The following ERC2 variants were observed in gnomAD, a reference collection of about 807,000 sequenced individuals.
The protein encoded by ERC2 is ELKS/RAB6-interacting/CAST family member 2.
ERC2 carries 42 observed loss-of-function variants against 114.8 expected under a neutral mutation model. The ratio of observed to expected loss-of-function variants is 0.37; its 90% CI spans 0.29 to 0.47. The LOEUF (loss-of-function observed/expected upper bound fraction) is 0.47. ERC2 is among the 20% of genes least tolerant of loss of function. ERC2 has a pLI of 0.99. For missense variants in ERC2, 939 were observed against 1,150.7 expected (o/e 0.82, Z 2.66); for synonymous variants, 454 against 425.5 (o/e 1.07, Z -0.82).
chr3:56,304,297 T>C (rs982180707), intron 2 of ERC2, among the ~76,000 whole-genome samples: 1 of 152,048 alleles, frequency 6.6e-6, no homozygotes, highest in Non-Finnish European at 1.5e-5. Context: ...ATTTAAAAGG[T>C]GATATGAAAA....
intron 15 of ERC2, among the ~76,000 whole-genome samples, chr3:55,720,908 C>A (rs1044525268): frequency 3.3e-5 from 5 of 152,134 alleles, no homozygotes; most frequent in African/African-American, 7.2e-5. Context: ...GTTTTAAAGA[C>A]CTTGCCCCAG....
intron 6 of ERC2, among the ~76,000 whole-genome samples, chr3:56,087,638 A>C (rs554071665): frequency 1.3e-5 from 2 of 152,304 alleles, no homozygotes; most frequent in African/African-American, 4.8e-5. Flanking sequence ...GCCACTTGAA[A>C]ATTTTCACAG....
chr3:56,466,782 T>C (rs576128691), intron 1 of ERC2, among the ~76,000 whole-genome samples: 39 of 152,288 alleles, frequency 2.6e-4, no homozygotes, highest in African/African-American at 9.1e-4. Context: ...CCAAGTACTG[T>C]ATACTGAGAA....
chr3:56,181,957 C>A (rs2150045820), intron 3 of ERC2, among the ~76,000 whole-genome samples: 1 of 152,302 alleles, frequency 6.6e-6, no homozygotes, highest in Admixed American at 6.5e-5. Flanking sequence ...TGTCCAACAG[C>A]CTGATTGCAA....
intron 3 of ERC2, among the ~76,000 whole-genome samples, chr3:56,206,089 T>C (rs7610622): frequency 0.3 from 45,809 of 151,950 alleles, 8,477 homozygotes; most frequent in Middle Eastern, 0.42. Flanking sequence ...TTAAGAATTT[T>C]GCCTGTCCTT....
intron 17 of ERC2, among the ~76,000 whole-genome samples, chr3:55,521,029 A>G (rs1247817449): frequency 1.3e-5 from 2 of 152,234 alleles, no homozygotes; most frequent in African/African-American, 4.8e-5. Context: ...AGTGGCTCCA[A>G]TGACAAGTGT....
intron 2 of ERC2, among the ~76,000 whole-genome samples, chr3:56,393,990 C>T (rs2060217676): frequency 6.6e-6 from 1 of 152,062 alleles, no homozygotes; most frequent in Non-Finnish European, 1.5e-5. Context: ...AATTTTACTC[C>T]ATCCAGTGGC....
intron 7 of ERC2, among the ~76,000 whole-genome samples, chr3:56,069,804 G>C (rs1040509856): frequency 2.0e-5 from 3 of 152,104 alleles, no homozygotes; most frequent in Non-Finnish European, 4.4e-5. Flanking sequence ...TATGACAAAG[G>C]CTCCAAATTG....
intron 1 of ERC2, among the ~76,000 whole-genome samples, chr3:56,467,558 T>A (rs1196476208): frequency 6.6e-6 from 1 of 152,060 alleles, no homozygotes; most frequent in Non-Finnish European, 1.5e-5. Flanking sequence ...CGTACGGTAT[T>A]TTTTTTAATT....
intron 2 of ERC2, among the ~76,000 whole-genome samples, chr3:56,363,815 GAGAA>G (rs1260748701): frequency 1.0e-4 from 13 of 126,614 alleles, no homozygotes; most frequent in South Asian, 3.2e-4. Flanking sequence ...GGGAGGGAGG[GAGAA>G]AGGGAGGGAG....
chr3:56,133,985 A>G (rs779557937), intron 6 of ERC2, among the ~76,000 whole-genome samples: 9 of 152,242 alleles, frequency 5.9e-5, no homozygotes, highest in Non-Finnish European at 8.8e-5. Flanking sequence ...TAATGAAGCT[A>G]GCAGAATGCC....
chr3:55,554,532 G>C (rs1198042757), intron 17 of ERC2, among the ~76,000 whole-genome samples: 1 of 152,220 alleles, frequency 6.6e-6, no homozygotes, highest in Admixed American at 6.5e-5. Context: ...CTGTTTTTAG[G>C]AGACACCAAA....
chr3:55,996,536 C>CA (rs1203232568), intron 10 of ERC2, among the ~76,000 whole-genome samples: 5 of 151,940 alleles, frequency 3.3e-5, no homozygotes, highest in African/African-American at 7.3e-5. Context: ...TATAGAAACA[C>CA]AAAAAAATGG....
intron 10 of ERC2, among the ~76,000 whole-genome samples, chr3:55,993,690 A>AC (rs1387989915): frequency 2.0e-5 from 3 of 151,810 alleles, no homozygotes; most frequent in African/African-American, 4.8e-5. Flanking sequence ...CAAAAAAAAA[A>AC]CAAGAAAAAT....
Position 55,930,234 on chromosome 3 carries a change from G to A in ERC2, c.2403+20191C>T, listed in dbSNP as rs187115997. 7.1e-3 allele frequency among the ~76,000 whole-genome samples: 1,085 copies of A among 151,920 alleles called. 51 individuals are homozygous for A. Among genetic ancestry groups the A allele is most frequent in the Admixed American group, 0.061 (930 of 15,266 alleles). On this transcript the variant is annotated intron_variant, in intron 13 of 17. Transcript: ENST00000288221. Reference sequence around the variant, plus strand: ...AGCCTGGGTGACAGAGTGAGACTCCGTCTCAAGAAAATAAATAAATAAATA... The same window carrying A: ...AGCCTGGGTGACAGAGTGAGACTCCATCTCAAGAAAATAAATAAATAAATA...
At chr3:55,711,196 G>A (rs766045014) in intron 15 of ERC2, among the ~76,000 whole-genome samples, 5 of 152,214 alleles carry the variant, frequency 3.3e-5, no homozygotes, top group East Asian at 1.9e-4. Flanking sequence ...TTTGAGATAG[G>A]AGCCTCACTT....
rs574359634 is a variant in ERC2 at position 56,155,166 on chromosome 3, G to A, written c.1150-6034C>T. 6.6e-5 allele frequency among the ~76,000 whole-genome samples: 10 copies of A among 152,066 alleles called. No homozygotes were observed. In the South Asian group the frequency reaches 1.9e-3, roughly 28 times the overall value. Reference sequence around the variant, plus strand: ...CTTTCCTTTTGGGAACTGCATCTTCGCAACATCCCCATGGTTTTAATAGAG... The same window carrying A: ...CTTTCCTTTTGGGAACTGCATCTTCACAACATCCCCATGGTTTTAATAGAG... On this transcript the variant is annotated intron_variant, in intron 4 of 17. Coordinates refer to ENST00000288221, the MANE Select transcript of ERC2 (RefSeq NM_015576.3).
chr3:55,607,654 A>C (rs921033220), intron 17 of ERC2, among the ~76,000 whole-genome samples: 9 of 151,474 alleles, frequency 5.9e-5, no homozygotes, highest in African/African-American at 2.2e-4. Context: ...GAAAAAAAAA[A>C]CAATAATGCA....
chr3:56,419,353 G>A (rs1403032863), intron 2 of ERC2, among the ~76,000 whole-genome samples: 2 of 152,196 alleles, frequency 1.3e-5, no homozygotes, highest in Admixed American at 6.5e-5. Context: ...CCAGAGACAA[G>A]CATAATGAAT....
Sources: allele counts gnomAD v4.1 joint callset (sites outside exome capture counted in the v4.1 genomes callset), GRCh38; gene constraint gnomAD v4.1.1; transcripts MANE v1.5; gene names NCBI Gene and HGNC (gene_info 2026-07-23, HGNC 2026-07-21).